NAPEPLD: variants seen among roughly 807,000 people sequenced by gnomAD.
NAPEPLD encodes the protein N-acyl phosphatidylethanolamine phospholipase D.
Under a neutral mutation model 38.1 loss-of-function variants are expected in NAPEPLD, and 23 were observed. The ratio of observed to expected loss-of-function variants is 0.60; its 90% CI spans 0.43 to 0.86. The LOEUF is 0.86. NAPEPLD is among the 40% of genes least tolerant of loss of function. The pLI is 0.00. For missense variants in NAPEPLD, 411 were observed against 476.8 expected (o/e 0.86, Z 1.28); for synonymous variants, 147 against 162.0 (o/e 0.91, Z 0.71).
intron 1 of NAPEPLD, among the ~76,000 whole-genome samples, chr7:103,148,285 G>A (rs1021188458): frequency 6.6e-6 from 1 of 151,894 alleles, no homozygotes; most frequent in Non-Finnish European, 1.5e-5. Context: ...ATTATAACAT[G>A]TATATATAAC....
At chr7:103,110,070 G>A (rs538830107) in intron 4 of NAPEPLD, among the ~76,000 whole-genome samples, 89 of 152,244 alleles carry the variant, frequency 5.8e-4, no homozygotes, top group African/African-American at 2.0e-3. Context: ...AATTGAGGAC[G>A]CAATTAATAG....
chr7:103,143,601 A>G (rs1273456577), intron 1 of NAPEPLD, among the ~76,000 whole-genome samples: 1 of 152,130 alleles, frequency 6.6e-6, no homozygotes, highest in Non-Finnish European at 1.5e-5. Flanking sequence ...GCATCTGGCT[A>G]CCTGGAGCCA....
At chr7:103,147,958 T>C (rs908911092) in intron 1 of NAPEPLD, 7 of 977,040 alleles carry the variant, frequency 7.2e-6, no homozygotes, top group East Asian at 2.3e-4. Context: ...TAAGTACTTT[T>C]ACCCTAAATT....
At chr7:103,141,173 T>C (rs1458930146) in intron 1 of NAPEPLD, among the ~76,000 whole-genome samples, 1 of 149,740 alleles carries the variant, frequency 6.7e-6, no homozygotes, top group East Asian at 2.0e-4. Flanking sequence ...CCTCCCTAGA[T>C]CATTTCCAGT....
chr7:103,141,000 G>A lies in NAPEPLD; in HGVS notation c.-17+7811C>T, dbSNP rs988109596. 3.3e-5 allele frequency among the ~76,000 whole-genome samples: 5 copies of A among 152,138 alleles called. No homozygotes were observed. The East Asian group carries it at 9.7e-4, about 30-fold the overall frequency. On this transcript the variant is annotated intron_variant, in intron 1 of 4. Transcript: ENST00000465647. ...GCAAGGCCAGCTCTACATAAATCAC[G>A]AGTAAATAAGTTTCCCCTAAAGCAT... is the stretch of plus-strand genomic sequence containing the variant.
upstream of NAPEPLD, chr7:103,149,536 A>C (rs1813305977): frequency 8.0e-7 from 1 of 1,243,396 alleles, no homozygotes; most frequent in East Asian, 7.8e-5. Context: ...CGAATCTGAC[A>C]GCAGGGCCAG....
upstream of NAPEPLD, among the ~76,000 whole-genome samples, chr7:103,149,908 A>G (rs141222259): frequency 1.4e-3 from 206 of 152,336 alleles, no homozygotes; most frequent in African/African-American, 4.5e-3. Flanking sequence ...CGAAGAAACT[A>G]AACTCTAATT....
chr7:103,113,645 TC>T (rs375391674), intron 4 of NAPEPLD, among the ~76,000 whole-genome samples: 1,103 of 17,968 alleles, frequency 0.061, 89 homozygotes, highest in African/African-American at 0.11. Context: ...TTTTTTTTTT[TC>T]TCAAGACAGA....
chr7:103,149,829 C>T (rs1813348148), upstream of NAPEPLD, among the ~76,000 whole-genome samples: 1 of 152,216 alleles, frequency 6.6e-6, no homozygotes, highest in South Asian at 2.1e-4. Context: ...GACGGACTGT[C>T]ATAGCCAACT....
intron 1 of NAPEPLD, among the ~76,000 whole-genome samples, chr7:103,134,020 A>C (rs946540337): frequency 6.6e-6 from 1 of 152,236 alleles, no homozygotes; most frequent in Non-Finnish European, 1.5e-5. Flanking sequence ...TGTGCCACTA[A>C]GGAAGTAAAA....
At position 103,120,014 on chromosome 7, in the gene NAPEPLD, G is replaced by C; in HGVS notation, c.504C>G (p.Ser168=). ...QYMGPKRFRR[S]PCTISELPPI... ...GAGGGAGTTCACTTATTGTGCACGG[G>C]GAACGACGAAATCGCTTTGGACCCA... Residue 168 remains serine (S), a synonymous_variant, in exon 3 of 5, where the codon TCC becomes TCG. Coordinates refer to ENST00000465647, the MANE Select transcript of NAPEPLD (RefSeq NM_001122838.3). The C allele has an allele frequency of 6.2e-7, 1 of 1,614,170 alleles. No homozygotes were observed. Among genetic ancestry groups the C allele is most frequent in the Non-Finnish European group, 8.5e-7 (1 of 1,180,028 alleles).
chr7:103,130,433 C>T (rs2411081), intron 1 of NAPEPLD, among the ~76,000 whole-genome samples: 138,584 of 152,248 alleles, frequency 0.91, 64,457 homozygotes, highest in East Asian at 1. Flanking sequence ...GGCAAATAGC[C>T]TACCCTTTCT....
chr7:103,129,259 G>A, intron 1 of NAPEPLD: 4 of 957,116 alleles, frequency 4.2e-6, no homozygotes, highest in Non-Finnish European at 3.7e-6. Context: ...AAACAAACAT[G>A]AAAGAAAGAA....
At chr7:103,137,814 T>TAA (rs1810372025) in intron 1 of NAPEPLD, among the ~76,000 whole-genome samples, 1 of 19,764 alleles carries the variant, frequency 5.1e-5, no homozygotes, top group Non-Finnish European at 1.4e-4. Context: ...AGATGCTGTC[T>TAA]CAAAAAAAAA....
At chr7:103,116,819 T>A (rs988715039) in intron 3 of NAPEPLD, among the ~76,000 whole-genome samples, 1 of 152,214 alleles carries the variant, frequency 6.6e-6, no homozygotes, top group African/African-American at 2.4e-5. Context: ...TCTGTTCAAA[T>A]TCTCTGAGCT....
intron 1 of NAPEPLD, among the ~76,000 whole-genome samples, chr7:103,145,126 T>C (rs1453904912): frequency 6.6e-6 from 1 of 152,182 alleles, no homozygotes; most frequent in Non-Finnish European, 1.5e-5. Context: ...TTCAAAAAAA[T>C]TTATAAATGT....
intron 1 of NAPEPLD, chr7:103,141,236 A>C: frequency 8.0e-6 from 1 of 125,180 alleles, no homozygotes; most frequent in Non-Finnish European, 1.5e-5. Context: ...TTACCTGTGG[A>C]GTTGTTTTTT....
At chr7:103,114,606 CCT>C (rs1318782868) in intron 4 of NAPEPLD, among the ~76,000 whole-genome samples, 16 of 152,128 alleles carry the variant, frequency 1.1e-4, no homozygotes, top group Non-Finnish European at 2.1e-4. Flanking sequence ...TCCATCACGC[CCT>C]CTCTGATCCC....
At chr7:103,140,317 G>A (rs896505468) in intron 1 of NAPEPLD, among the ~76,000 whole-genome samples, 14 of 149,416 alleles carry the variant, frequency 9.4e-5, no homozygotes, top group African/African-American at 3.4e-4. Flanking sequence ...AACTGAAGCA[G>A]AATAAACTCT....
Sources: gnomAD v4.1 joint callset for allele counts (sites outside exome capture counted in the v4.1 genomes callset) on GRCh38, gnomAD v4.1.1 for gene constraint, MANE v1.5 for transcripts, NCBI Gene and HGNC (gene_info 2026-07-23, HGNC 2026-07-21) for gene names.